Variants in ST18 observed in about 807,000 individuals in gnomAD.
ST18 encodes ST18 C2H2C-type zinc finger transcription factor, also known as suppression of tumorigenicity 18 protein.
A neutral mutation model predicts 110.0 loss-of-function variants in ST18; 50 were observed. That is an observed-to-expected ratio of 0.45 (90% confidence interval 0.36 to 0.58). ST18 has a LOEUF of 0.58. Ranked by LOEUF, ST18 falls within the 20% of genes least tolerant of loss-of-function variation. The pLI is 0.00. For missense variants in ST18, 1,306 were observed against 1,280.1 expected, an observed-to-expected ratio of 1.02 and a Z score of -0.31; for synonymous variants, 461 against 452.4, an observed-to-expected ratio of 1.02 and a Z score of -0.24.
chr8:52,166,972 C>T lies in ST18; in HGVS notation c.1084G>A (p.Glu362Lys). Residue 362 changes from glutamate to lysine, a missense_variant, in exon 11 of 26, where the codon GAA becomes AAA. Physicochemically the swap from Glu to Lys is moderately conservative, Grantham distance 56. Coordinates refer to ENST00000689386, the MANE Select transcript of ST18 (RefSeq NM_001352837.2). ...IFNNKHSPRP[E>K]KRETKCPIPG... ...ATCGGGCACTTGGTCTCCCTCTTTT[C>T]AGGCCTTGGTGAATCTATGGAGAAA... 6.2e-7 allele frequency: 1 copy of T among 1,609,896 alleles called. No homozygotes were observed. The highest frequency in any genetic ancestry group is 8.5e-7 in the Non-Finnish European group (1 of 1,177,116).
rs867268944 is a variant in ST18 at position 52,235,862 on chromosome 8, G to A, written c.-464-5785C>T. 3.9e-5 allele frequency among the ~76,000 whole-genome samples: 6 copies of A among 152,162 alleles called. No homozygotes were observed. The South Asian group carries it at 8.3e-4, about 21-fold the overall frequency. Reference sequence around the variant, plus strand: ...GAGGGGATATTAACATTGAAGGACCGCCACTGCCAGATCAATCATATGCTA... The same window carrying A: ...GAGGGGATATTAACATTGAAGGACCACCACTGCCAGATCAATCATATGCTA... On this transcript the variant is annotated intron_variant, in intron 2 of 25. Transcript: ENST00000689386.
At chr8:52,301,618 C>T (rs972512455) in intron 2 of ST18, among the ~76,000 whole-genome samples, 4 of 152,126 alleles carry the variant, frequency 2.6e-5, no homozygotes, top group Admixed American at 2.6e-4. Flanking sequence ...CAAATTGAAA[C>T]ACTGGAAACA....
At chr8:52,348,832 A>G (rs955803418) in intron 2 of ST18, among the ~76,000 whole-genome samples, 24 of 152,184 alleles carry the variant, frequency 1.6e-4, no homozygotes, top group African/African-American at 5.1e-4. Context: ...GCTAATCAAC[A>G]TATTATTATT....
chr8:52,227,700 C>G (rs548935020), intron 3 of ST18, among the ~76,000 whole-genome samples: 6 of 152,288 alleles, frequency 3.9e-5, no homozygotes, highest in Non-Finnish European at 8.8e-5. Flanking sequence ...CCTTTAGTGT[C>G]AGAACTGCAA....
intron 8 of ST18, among the ~76,000 whole-genome samples, chr8:52,205,887 G>T (rs1315427751): frequency 2.6e-5 from 4 of 152,142 alleles, no homozygotes; most frequent in Non-Finnish European, 5.9e-5. Flanking sequence ...TTTATAATTG[G>T]CAGTGCAGAG....
At chr8:52,119,397 CA>C (rs1379366104) in intron 23 of ST18, among the ~76,000 whole-genome samples, 2 of 152,028 alleles carry the variant, frequency 1.3e-5, no homozygotes, top group Non-Finnish European at 2.9e-5. Flanking sequence ...ACCAGGGTGA[CA>C]ATGAAGAAGG....
chr8:52,188,719 A>G (rs1311358158), intron 8 of ST18, among the ~76,000 whole-genome samples: 1 of 152,172 alleles, frequency 6.6e-6, no homozygotes, highest in African/African-American at 2.4e-5. Flanking sequence ...AGTGATTTGG[A>G]TTGTGGCTGT....
intron 7 of ST18, 94 bp from the exon 8 acceptor site, chr8:52,212,203 C>T (rs954785173): frequency 4.1e-6 from 5 of 1,217,446 alleles, no homozygotes; most frequent in Non-Finnish European, 5.8e-6. Context: ...GAGGTAACGA[C>T]CAATAAGTTT....
intron 12 of ST18, among the ~76,000 whole-genome samples, 182 bp downstream of exon 12, chr8:52,164,953 T>A (rs527801151): frequency 2.0e-5 from 3 of 152,204 alleles, no homozygotes; most frequent in Non-Finnish European, 4.4e-5. Flanking sequence ...AGAAAGGAAA[T>A]GATGAGGTCC....
At chr8:52,387,733 A>G (rs1188283991) in intron 2 of ST18, among the ~76,000 whole-genome samples, 8 of 152,142 alleles carry the variant, frequency 5.3e-5, no homozygotes, top group South Asian at 2.1e-4. Context: ...GAATAATTAC[A>G]CTGACTTGCC....
At position 52,300,895 on chromosome 8, in the gene ST18, C is replaced by CAGAAAG. The variant is rs1359603760; in HGVS notation, c.-464-70824_-464-70819dup. ...AACTGTCAGAATGAGATGTGAGAGA[C>CAGAAAG]AGAAAGAGAAAGAGAAAGTAGAGAC... is the stretch of plus-strand genomic sequence containing the variant. On this transcript the variant is annotated intron_variant, in intron 2 of 25. Coordinates refer to ENST00000689386, the MANE Select transcript of ST18 (RefSeq NM_001352837.2). Among the ~76,000 whole-genome samples, 4 of 152,028 alleles carry CAGAAAG rather than the reference C, an allele frequency of 2.6e-5. No individual in the cohort carries two copies. In the South Asian group the frequency reaches 8.3e-4, roughly 32 times the overall value.
chr8:52,216,780 TA>T (rs2136194791), intron 6 of ST18, among the ~76,000 whole-genome samples: 2 of 152,318 alleles, frequency 1.3e-5, no homozygotes, highest in South Asian at 4.1e-4. Flanking sequence ...CGGACCTCAA[TA>T]AATTGCCAAT....
At chr8:52,130,119 A>AAAGAAAGAAAGAAAG (rs67888949) in intron 22 of ST18, among the ~76,000 whole-genome samples, 51 of 105,228 alleles carry the variant, frequency 4.8e-4, no homozygotes, top group African/African-American at 1.2e-3. Context: ...AGAAAGAAAG[A>AAAGAAAGAAAGAAAG]AAAGAAAGAA....
rs957473751 is a variant in ST18, at chr8:52,303,229, A to G, written c.-464-73152T>C. 7.9e-5 allele frequency among the ~76,000 whole-genome samples: 12 copies of G among 152,280 alleles called. 1 individual carries two copies. Among genetic ancestry groups the G allele is most frequent in the East Asian group, 5.8e-4 (3 of 5,176 alleles). ...ACCCTCTGAAGGCTTGGGGAAGGACACTGCCTTGCCATTTCTTGCCTCCAG... is the reference window on the plus strand; with the variant it reads ...ACCCTCTGAAGGCTTGGGGAAGGACGCTGCCTTGCCATTTCTTGCCTCCAG... On this transcript the variant is annotated intron_variant, in intron 2 of 25. Transcript: ENST00000689386.
At chr8:52,293,633 A>AT (rs1042420350) in intron 2 of ST18, among the ~76,000 whole-genome samples, 10 of 152,120 alleles carry the variant, frequency 6.6e-5, no homozygotes, top group South Asian at 2.1e-4. Flanking sequence ...ATGACATATA[A>AT]TTTTTTTATG....
intron 14 of ST18, 151 bp downstream of exon 14, chr8:52,161,224 C>T (rs918445822): frequency 5.8e-6 from 4 of 686,040 alleles, no homozygotes; most frequent in Non-Finnish European, 9.2e-6. Flanking sequence ...TTATCGTTTT[C>T]TTTATGGTAT....
At chr8:52,275,331 T>C (rs2095209103) in intron 2 of ST18, among the ~76,000 whole-genome samples, 1 of 152,214 alleles carries the variant, frequency 6.6e-6, no homozygotes, top group Admixed American at 6.5e-5. Flanking sequence ...TATGTCCTTT[T>C]AAAAAGTAAA....
At chr8:52,323,255 G>A (rs1328874230) in intron 2 of ST18, among the ~76,000 whole-genome samples, 1 of 152,216 alleles carries the variant, frequency 6.6e-6, no homozygotes, top group African/African-American at 2.4e-5. Flanking sequence ...TTTAACCACA[G>A]ATGTTCCATT....
At chr8:52,154,527 C>G (rs373079863) in intron 15 of ST18, 6 of 152,018 alleles carry the variant, frequency 3.9e-5, no homozygotes, top group Admixed American at 2.6e-4. Flanking sequence ...GGGAAGAAAA[C>G]GGGAGTGCAT....
Sources: gnomAD v4.1 joint callset for allele counts (sites outside exome capture counted in the v4.1 genomes callset) on GRCh38, gnomAD v4.1.1 for gene constraint, MANE v1.5 for transcripts, NCBI Gene and HGNC (gene_info 2026-07-23, HGNC 2026-07-21) for gene names.